Variants in FMN1 observed in about 807,000 individuals in gnomAD.
FMN1 encodes the protein formin-1.
A neutral mutation model predicts 132.4 loss-of-function variants in FMN1; 110 were observed. The ratio of observed to expected loss-of-function variants is 0.83; its 90% CI spans 0.71 to 0.97. The LOEUF (loss-of-function observed/expected upper bound fraction) is 0.97, where lower values mean the gene tolerates loss of function less well. FMN1 is among the 50% of genes least tolerant of loss of function. FMN1 has a pLI of 0.00. For synonymous variants in FMN1, 722 were observed against 651.7 expected (o/e 1.11, Z -1.64); for missense variants, 1,792 against 1,705.3 (o/e 1.05, Z -0.90).
intron 10 of FMN1, among the ~76,000 whole-genome samples, chr15:32,923,300 A>C (rs1368656005): frequency 6.6e-6 from 1 of 152,238 alleles, no homozygotes; most frequent in Non-Finnish European, 1.5e-5. Flanking sequence ...CACCAGGGTG[A>C]CAACACAAGG....
At position 32,788,343 on chromosome 15, in the gene FMN1, A is replaced by G. The variant is rs1451889; in HGVS notation, c.4130+10461T>C. On this transcript the variant is annotated intron_variant, in intron 19 of 20. Coordinates refer to ENST00000616417, the MANE Select transcript of FMN1 (RefSeq NM_001277313.2). ...TGAAAACTGAAATCAGCCCTGTGTC[A>G]TAAATTTGCAAATTTAATTGAAATG... 0.016 allele frequency among the ~76,000 whole-genome samples: 2,367 copies of G among 152,362 alleles called. 130 individuals are homozygous for G. In the East Asian group the frequency reaches 0.17, roughly 11 times the overall value.
rs2291066 is a variant in FMN1 at position 33,088,784 on chromosome 15, A to C, written c.2043+15T>G. The C allele has an allele frequency of 0.37, 558,082 of 1,526,844 alleles. 106,089 individuals are homozygous for C. The highest frequency in any genetic ancestry group is 0.41 in the Admixed American group (20,924 of 50,452). The allele number at this position is 1,526,844 out of a possible 1,614,324, so 94.6% of individuals were successfully genotyped here. A position where few individuals can be genotyped will look rare whatever the true frequency, so the allele number is the denominator to read the frequency against. On this transcript the variant is annotated intron_variant, in intron 5 of 20. Transcript: ENST00000616417. ...CACAAAGAACCACAGCACAATCACC[A>C]AGATTTCTACTTACATGGAGATCCA...
At position 32,772,750 on chromosome 15, in the gene FMN1, G is replaced by C. The variant is rs533780564; in HGVS notation, c.*1560C>G. 1.3e-5 allele frequency: 2 copies of C among 152,270 alleles called. No individual in the cohort carries two copies. Among genetic ancestry groups the C allele is most frequent in the South Asian group, 2.1e-4 (1 of 4,828 alleles). The allele number at this position is 152,270 out of a possible 1,614,324, so 9.4% of individuals were successfully genotyped here. A position where few individuals can be genotyped will look rare whatever the true frequency, so the allele number is the denominator to read the frequency against. ...GATCCTGACTGCAGTCTTCATTCTC[G>C]AAGCTGACATTAGATTAGGATATGG... On this transcript the variant is annotated 3_prime_UTR_variant, in exon 21 of 21. Coordinates refer to ENST00000616417, the MANE Select transcript of FMN1 (RefSeq NM_001277313.2).
intron 4 of FMN1, among the ~76,000 whole-genome samples, chr15:33,093,132 C>A (rs1051730579): frequency 2.0e-5 from 3 of 152,186 alleles, no homozygotes; most frequent in African/African-American, 7.2e-5. Context: ...TCCTCTAATT[C>A]TCCCATCATA....
At chr15:32,934,244 C>G (rs910228145) in intron 9 of FMN1, among the ~76,000 whole-genome samples, 4 of 152,112 alleles carry the variant, frequency 2.6e-5, no homozygotes, top group African/African-American at 9.7e-5. Flanking sequence ...TACTTCTCCA[C>G]TCCCACACTT....
chr15:32,969,217 T>C lies in FMN1; in HGVS notation c.2484A>G (p.Leu828=). The C allele has an allele frequency of 6.2e-7, 1 of 1,613,954 alleles. No homozygotes were observed. Among genetic ancestry groups the C allele is most frequent in the Non-Finnish European group, 8.5e-7 (1 of 1,179,882 alleles). The change falls in exon 8 of 21, where the codon TTA becomes TTG. Residue 828 remains leucine (L), a synonymous_variant. Transcript: ENST00000616417. The part of the protein sequence containing the change: ...SESKTTRSNQ[L]VPKKLNISSL... ...AGGAGATATTCAGCTTTTTGGGTAC[T>C]AATTGATTACTTCTGGTTGTCTTGC...
chr15:33,078,987 GC>G (rs2038340269), intron 5 of FMN1, among the ~76,000 whole-genome samples: 1 of 152,086 alleles, frequency 6.6e-6, no homozygotes, highest in African/African-American at 2.4e-5. Flanking sequence ...TCCAAAGGGG[GC>G]CAAAAACAAT....
At chr15:33,118,979 C>T (rs1010102545) in intron 4 of FMN1, among the ~76,000 whole-genome samples, 7 of 151,420 alleles carry the variant, frequency 4.6e-5, no homozygotes, top group Admixed American at 1.3e-4. Context: ...AATGAAAATG[C>T]TAATATTCAG....
intron 7 of FMN1, among the ~76,000 whole-genome samples, chr15:32,975,420 A>G (rs917511709): frequency 3.9e-5 from 6 of 152,172 alleles, no homozygotes; most frequent in African/African-American, 1.2e-4. Flanking sequence ...ATCCATTTAT[A>G]AGTGAAACTC....
chr15:32,973,933 A>T (rs1259702733), intron 7 of FMN1, among the ~76,000 whole-genome samples: 1 of 152,184 alleles, frequency 6.6e-6, no homozygotes, highest in African/African-American at 2.4e-5. Context: ...AGCTAGAAAG[A>T]CTGGTAATGA....
chr15:33,104,603 T>TA (rs1281843548), intron 4 of FMN1, among the ~76,000 whole-genome samples: 3 of 151,936 alleles, frequency 2.0e-5, no homozygotes, highest in African/African-American at 2.4e-5. Context: ...CTCAATCAGC[T>TA]AAAGGAAATG....
intron 16 of FMN1, among the ~76,000 whole-genome samples, chr15:32,873,663 G>C (rs2059569351): frequency 6.6e-6 from 1 of 152,156 alleles, no homozygotes; most frequent in Non-Finnish European, 1.5e-5. Context: ...GTTCTGGGCA[G>C]GGCTGATGTT....
intron 6 of FMN1, among the ~76,000 whole-genome samples, chr15:33,018,067 GA>G (rs57158332): frequency 0.012 from 1,679 of 142,804 alleles, 25 homozygotes; most frequent in African/African-American, 0.035. Context: ...TACCTCTCAA[GA>G]AAAAAAAAAA....
chr15:33,065,878 A>G (rs4780074), intron 5 of FMN1, among the ~76,000 whole-genome samples: 48,052 of 152,088 alleles, frequency 0.32, 7,985 homozygotes, highest in Admixed American at 0.37. Context: ...GATGCTTCCC[A>G]TGCACTGCCT....
chr15:32,783,739 T>C (rs1382580449), intron 19 of FMN1, among the ~76,000 whole-genome samples: 1 of 74,402 alleles, frequency 1.3e-5, no homozygotes, highest in Admixed American at 2.2e-4. Context: ...AGCGAGACTC[T>C]GTTTCAAAAA....
At chr15:32,805,155 C>A (rs1340645778) in intron 17 of FMN1, among the ~76,000 whole-genome samples, 1 of 152,178 alleles carries the variant, frequency 6.6e-6, no homozygotes, top group Non-Finnish European at 1.5e-5. Context: ...TTCTCCACAC[C>A]TTCTCCAGCA....
At chr15:32,962,869 A>G (rs909510976) in intron 9 of FMN1, among the ~76,000 whole-genome samples, 1 of 151,192 alleles carries the variant, frequency 6.6e-6, no homozygotes, top group Non-Finnish European at 1.5e-5. Flanking sequence ...ATGTGGAGAA[A>G]TAGGAACACT....
intron 4 of FMN1, among the ~76,000 whole-genome samples, chr15:33,126,624 A>G (rs1050458811): frequency 6.6e-6 from 1 of 152,242 alleles, no homozygotes. Context: ...GCAGCAGGAA[A>G]TGGGCGGAAG....
intron 6 of FMN1, among the ~76,000 whole-genome samples, chr15:33,015,715 A>C (rs868017718): frequency 6.6e-6 from 1 of 151,934 alleles, no homozygotes; most frequent in African/African-American, 2.4e-5. Flanking sequence ...TAAAAAAAAA[A>C]ATCATTCCTC....
Sources: gnomAD v4.1 joint callset for allele counts (sites outside exome capture counted in the v4.1 genomes callset) on GRCh38, gnomAD v4.1.1 for gene constraint, MANE v1.5 for transcripts, NCBI Gene and HGNC (gene_info 2026-07-23, HGNC 2026-07-21) for gene names.